The following KCNQ1OT1 variants were observed in gnomAD, a reference collection of about 807,000 sequenced individuals.
The protein encoded by KCNQ1OT1 is KCNQ1 opposite strand/antisense transcript 1.
rs780580335 is a variant in KCNQ1OT1, at chr11:2,686,037, C to T, written n.13958G>A. On this transcript the variant is annotated non_coding_transcript_exon_variant, in exon 1 of 1. Coordinates refer to ENST00000597346, the Ensembl canonical transcript of KCNQ1OT1. ...GGGCTCACTCTAAGCCCCGCCAGCT[C>T]GCACCATCTGATGGGGCAGGGGCAG... The T allele has an allele frequency of 1.8e-4, 73 of 399,388 alleles. No homozygotes were observed. In the Middle Eastern group the frequency reaches 0.011, roughly 58 times the overall value. 24.7% of individuals were successfully genotyped at this position (399,388 alleles called of 1,614,324 possible).
At chr11:2,630,809 G>C in exon 1 of KCNQ1OT1, 1 of 398,460 alleles carries the variant, frequency 2.5e-6, no homozygotes. Context: ...ACCTGAGGAA[G>C]TCTTGTATCT....
chr11:2,688,187 G>C (rs1020354895), exon 1 of KCNQ1OT1: 1 of 398,680 alleles, frequency 2.5e-6, no homozygotes, highest in African/African-American at 2.1e-5. Flanking sequence ...CCCAAGCAAG[G>C]GGGCAGGAGG....
exon 1 of KCNQ1OT1, chr11:2,630,066 G>T (rs1392493795): frequency 5.0e-6 from 2 of 398,032 alleles, no homozygotes; most frequent in Admixed American, 4.4e-5. Flanking sequence ...TTCATATATG[G>T]CCTTTATTGT....
In KCNQ1OT1 at chr11:2,687,803, G is replaced by GC. The variant is rs1590033078; in HGVS notation, n.12191dup. 1 of 398,686 alleles carries GC rather than the reference G, an allele frequency of 2.5e-6. No individual in the cohort carries two copies. Among genetic ancestry groups the GC allele is most frequent in the Non-Finnish European group, 4.4e-6 (1 of 226,176 alleles). 24.7% of individuals were successfully genotyped at this position (398,686 alleles called of 1,614,324 possible). ...CCACACCCCTAAGCCACCCAGCCTGGCCCCCCTCCTCTGCCCCAACTGGCT... is the reference window on the plus strand; with the variant it reads ...CCACACCCCTAAGCCACCCAGCCTGGCCCCCCCTCCTCTGCCCCAACTGGCT... On this transcript the variant is annotated non_coding_transcript_exon_variant, in exon 1 of 1. Coordinates refer to ENST00000597346, the Ensembl canonical transcript of KCNQ1OT1. This position sits in a 1 kb window ranked among gnomAD's most constrained non-coding sequence, Gnocchi z 5.0.
Position 2,671,820 on chromosome 11 carries a change from C to T in KCNQ1OT1, n.28175G>A, listed in dbSNP as rs1850188350. 2.5e-6 allele frequency: 1 copy of T among 398,632 alleles called. No homozygotes were observed. Among genetic ancestry groups the T allele is most frequent in the African/African-American group, 2.1e-5 (1 of 48,624 alleles). The allele number at this position is 398,632 out of a possible 1,614,324, so 24.7% of individuals were successfully genotyped here. ...CTTCCCCCAAATAAATCCCTGCAAC[C>T]CCACTGTGGTTATAGGTCTGAGCCT... On this transcript the variant is annotated non_coding_transcript_exon_variant, in exon 1 of 1. Transcript: ENST00000597346. The surrounding 1 kb of genome is among the most constrained non-coding windows in gnomAD (Gnocchi z 4.7).
Position 2,674,583 on chromosome 11 carries a change from T to C in KCNQ1OT1, n.25412A>G, listed in dbSNP as rs183069391. ...GAGTGAATCTGAAGCATGCTAGTTG[T>C]GTTGCCTTTTAAATAGGCTCTGGCT... On this transcript the variant is annotated non_coding_transcript_exon_variant, in exon 1 of 1. Transcript: ENST00000597346. The surrounding 1 kb of genome is among the most constrained non-coding windows in gnomAD (Gnocchi z 5.9). 2.1e-4 allele frequency: 85 copies of C among 398,642 alleles called. No individual in the cohort carries two copies. The South Asian group carries it at 0.01, about 48-fold the overall frequency. The allele number at this position is 398,642 out of a possible 1,614,324, so 24.7% of individuals were successfully genotyped here. A position where few individuals can be genotyped will look rare whatever the true frequency, so the allele number is the denominator to read the frequency against.
At chr11:2,693,476 C>A in exon 1 of KCNQ1OT1, 1 of 398,684 alleles carries the variant, frequency 2.5e-6, no homozygotes, top group Non-Finnish European at 4.4e-6. Context: ...CTAATTGCTA[C>A]AATTAGCAGG....
At chr11:2,625,985 G>C (rs1849255473) in exon 1 of KCNQ1OT1, 2 of 398,488 alleles carry the variant, frequency 5.0e-6, no homozygotes, top group Non-Finnish European at 8.8e-6. Flanking sequence ...CTCCCATTCT[G>C]TAGGTTGTCT....
exon 1 of KCNQ1OT1, chr11:2,615,490 G>A: frequency 2.5e-6 from 1 of 397,894 alleles, no homozygotes; most frequent in Non-Finnish European, 4.4e-6. Context: ...TTTGTTATGG[G>A]AGAAATTTTT....
In KCNQ1OT1 at chr11:2,617,960, A is replaced by C; in HGVS notation, n.82035T>G. The C allele has an allele frequency of 2.5e-6, 1 of 398,522 alleles. No individual in the cohort carries two copies. The highest frequency in any genetic ancestry group is 4.4e-6 in the Non-Finnish European group (1 of 226,030). 24.7% of individuals were successfully genotyped at this position (398,522 alleles called of 1,614,324 possible). A position where few individuals can be genotyped will look rare whatever the true frequency, so the allele number is the denominator to read the frequency against. On this transcript the variant is annotated non_coding_transcript_exon_variant, in exon 1 of 1. Transcript: ENST00000597346. The surrounding 1 kb of genome is among the most constrained non-coding windows in gnomAD (Gnocchi z 4.6). ...CCTCTTATAAGATATATGGTTGGCA[A>C]ATATTTTCTTCTAGTCCATAGGTTG...
In KCNQ1OT1 at chr11:2,645,435, C is replaced by A; in HGVS notation, n.54560G>T. The stretch of plus-strand genomic sequence containing the variant: ...GGCCCTCCAGTAATGCAAGAATGTA[C>A]TGACTGTGGTAGGCAGGCACAGGAA... On this transcript the variant is annotated non_coding_transcript_exon_variant, in exon 1 of 1. Coordinates refer to ENST00000597346, the Ensembl canonical transcript of KCNQ1OT1. The surrounding 1 kb of genome is among the most constrained non-coding windows in gnomAD (Gnocchi z 5.8). 2.5e-6 allele frequency: 1 copy of A among 398,686 alleles called. No homozygotes were observed. The highest frequency in any genetic ancestry group is 3.6e-5 in the East Asian group (1 of 28,064). 24.7% of individuals were successfully genotyped at this position (398,686 alleles called of 1,614,324 possible).
In KCNQ1OT1 at chr11:2,695,406, C is replaced by T. The variant is rs943241342; in HGVS notation, n.4589G>A. 15 of 398,480 alleles carry T rather than the reference C, an allele frequency of 3.8e-5. No homozygotes were observed. Among genetic ancestry groups the T allele is most frequent in the Non-Finnish European group, 6.2e-5 (14 of 226,078 alleles). The allele number at this position is 398,480 out of a possible 1,614,324, so 24.7% of individuals were successfully genotyped here. A position where few individuals can be genotyped will look rare whatever the true frequency, so the allele number is the denominator to read the frequency against. On this transcript the variant is annotated non_coding_transcript_exon_variant, in exon 1 of 1. Coordinates refer to ENST00000597346, the Ensembl canonical transcript of KCNQ1OT1. This position sits in a 1 kb window ranked among gnomAD's most constrained non-coding sequence, Gnocchi z 5.2. ...GGTGTGTAATTTTAATTTAAATACACAGTCATGTACTGAGGCCCTCTTTCT... is the reference window on the plus strand; with the variant it reads ...GGTGTGTAATTTTAATTTAAATACATAGTCATGTACTGAGGCCCTCTTTCT...
rs543730859 is a variant in KCNQ1OT1 at position 2,698,514 on chromosome 11, T to A, written n.1481A>T. On this transcript the variant is annotated non_coding_transcript_exon_variant, in exon 1 of 1. Coordinates refer to ENST00000597346, the Ensembl canonical transcript of KCNQ1OT1. The surrounding 1 kb of genome is among the most constrained non-coding windows in gnomAD (Gnocchi z 5.1). ...CTACCACTACCTCTCACCTGGCAGG[T>A]GATCACCACCCCCAACTCAGACTGC... 2.5e-6 allele frequency: 1 copy of A among 398,496 alleles called. No individual in the cohort carries two copies. 24.7% of individuals were successfully genotyped at this position (398,496 alleles called of 1,614,324 possible).
chr11:2,653,584 C>A lies in KCNQ1OT1; in HGVS notation n.46411G>T. The A allele has an allele frequency of 7.5e-6, 3 of 398,778 alleles. No homozygotes were observed. 24.7% of individuals were successfully genotyped at this position (398,778 alleles called of 1,614,324 possible). A position where few individuals can be genotyped will look rare whatever the true frequency, so the allele number is the denominator to read the frequency against. On this transcript the variant is annotated non_coding_transcript_exon_variant, in exon 1 of 1. Transcript: ENST00000597346. The surrounding 1 kb of genome is among the most constrained non-coding windows in gnomAD (Gnocchi z 5.3). ...CCGTTCCCTCTTTTGTTCTCCCTTT[C>A]CCTTGCTCTCTATCCATTGGCCCCA... is the stretch of plus-strand genomic sequence containing the variant.
chr11:2,637,223 G>C (rs577399690), exon 1 of KCNQ1OT1: 1 of 152,144 alleles, frequency 6.6e-6, no homozygotes, highest in East Asian at 1.9e-4. Flanking sequence ...CCTTCTGCTA[G>C]CTTTTGAATG....
rs987206170 is a variant in KCNQ1OT1, at chr11:2,682,753, G to A, written n.17242C>T. On this transcript the variant is annotated non_coding_transcript_exon_variant, in exon 1 of 1. Transcript: ENST00000597346. The surrounding 1 kb of genome is among the most constrained non-coding windows in gnomAD (Gnocchi z 5.8). The stretch of plus-strand genomic sequence containing the variant: ...CTTCCCCTTGAGCCCACTCATCTCT[G>A]TTGACATTCTAGAAATGCAGGGAAA... The A allele has an allele frequency of 2.5e-6, 1 of 398,556 alleles. No individual in the cohort carries two copies. Among genetic ancestry groups the A allele is most frequent in the Non-Finnish European group, 4.4e-6 (1 of 226,120 alleles). The allele number at this position is 398,556 out of a possible 1,614,324, so 24.7% of individuals were successfully genotyped here. A position where few individuals can be genotyped will look rare whatever the true frequency, so the allele number is the denominator to read the frequency against.
At chr11:2,632,698 A>C (rs1348041344) in exon 1 of KCNQ1OT1, 1 of 398,228 alleles carries the variant, frequency 2.5e-6, no homozygotes, top group East Asian at 3.6e-5. Context: ...TTCTGTGCCT[A>C]ATTTCATTTA....
chr11:2,681,746 C>T, exon 1 of KCNQ1OT1: 1 of 398,388 alleles, frequency 2.5e-6, no homozygotes, highest in Middle Eastern at 6.3e-4. Flanking sequence ...TGATCACACA[C>T]CAGGGCACTG....
At chr11:2,662,118 G>A in exon 1 of KCNQ1OT1, 1 of 1,613,650 alleles carries the variant, frequency 6.2e-7, no homozygotes, top group Non-Finnish European at 8.5e-7. Flanking sequence ...CTGGGCTGGA[G>A]GGGACTGGAG....
Sources: gnomAD v4.1 joint callset for allele counts on GRCh38, gnomAD v4.1.1 for gene constraint, Gnocchi (gnomAD v3.1) non-coding constraint, MANE v1.5 for transcripts, NCBI Gene and HGNC (gene_info 2026-07-23, HGNC 2026-07-21) for gene names.